CAMK4: variants seen among roughly 807,000 people sequenced by gnomAD.
CAMK4 encodes calcium/calmodulin-dependent protein kinase type IV.
Under a neutral mutation model 44.9 loss-of-function variants are expected in CAMK4, and 22 were observed. The ratio of observed to expected loss-of-function variants is 0.49; its 90% confidence interval spans 0.35 to 0.70. The LOEUF (loss-of-function observed/expected upper bound fraction) is 0.70, where lower values mean the gene tolerates loss of function less well. Ranked by LOEUF, CAMK4 falls within the 30% of genes least tolerant of loss-of-function variation. The pLI is 0.01. For missense variants in CAMK4, 498 were observed against 586.8 expected (o/e 0.85, Z 1.56); for synonymous variants, 218 against 215.4 (o/e 1.01, Z -0.11).
At position 111,478,364 on chromosome 5, in the gene CAMK4, A is replaced by G. The variant is rs777145971; in HGVS notation, c.702-17A>G. ...AGCTTTTAAAGACATTTTATTCTCTATATTTTATTCCTCTAGACTTTGTGG... is the reference window on the plus strand; with the variant it reads ...AGCTTTTAAAGACATTTTATTCTCTGTATTTTATTCCTCTAGACTTTGTGG... On this transcript the variant is annotated splice_polypyrimidine_tract_variant and intron_variant, in intron 8 of 10. Coordinates refer to ENST00000282356, the MANE Select transcript of CAMK4 (RefSeq NM_001744.6). The G allele has an allele frequency of 3.7e-5, 55 of 1,479,684 alleles. No individual in the cohort carries two copies. The Admixed American group carries it at 1.0e-3, about 27-fold the overall frequency. The allele number at this position is 1,479,684 out of a possible 1,614,324, so 91.7% of individuals were successfully genotyped here. A position where few individuals can be genotyped will look rare whatever the true frequency, so the allele number is the denominator to read the frequency against.
intron 2 of CAMK4, among the ~76,000 whole-genome samples, chr5:111,358,691 A>ATT (rs1033327116): frequency 1.3e-5 from 2 of 151,820 alleles, no homozygotes; most frequent in African/African-American, 4.8e-5. Flanking sequence ...AGTACTCAAT[A>ATT]GTTATTTTTT....
At chr5:111,330,235 A>G (rs184269073) in intron 1 of CAMK4, among the ~76,000 whole-genome samples, 5 of 151,738 alleles carry the variant, frequency 3.3e-5, no homozygotes, top group Admixed American at 2.6e-4. Flanking sequence ...AAATTCTACA[A>G]TATTATTATA....
intron 1 of CAMK4, among the ~76,000 whole-genome samples, chr5:111,336,623 A>G (rs1749417423): frequency 6.6e-6 from 1 of 151,190 alleles, no homozygotes; most frequent in East Asian, 1.9e-4. Flanking sequence ...TTGTTTCTTA[A>G]AAAGCTTTGC....
intron 4 of CAMK4, among the ~76,000 whole-genome samples, chr5:111,383,501 A>G (rs1280785120): frequency 6.6e-6 from 1 of 152,208 alleles, no homozygotes; most frequent in Non-Finnish European, 1.5e-5. Flanking sequence ...TGGCACAGCA[A>G]ACGTTATGGG....
chr5:111,243,060 C>A (rs771204614), intron 1 of CAMK4, among the ~76,000 whole-genome samples: 2 of 152,188 alleles, frequency 1.3e-5, no homozygotes, highest in Non-Finnish European at 2.9e-5. Context: ...TCCACAGTTC[C>A]GGGCAGATGT....
Position 111,490,948 on chromosome 5 carries a change from G to C in CAMK4, c.*6482G>C, listed in dbSNP as rs1755801148. On this transcript the variant is annotated 3_prime_UTR_variant, in exon 11 of 11. Coordinates refer to ENST00000282356, the MANE Select transcript of CAMK4 (RefSeq NM_001744.6). ...TTAGTGAGTGGGTACAGCTGAGTTGGGGTTTAGGTGATTTCTTATGCCCAA... is the reference window on the plus strand; with the variant it reads ...TTAGTGAGTGGGTACAGCTGAGTTGCGGTTTAGGTGATTTCTTATGCCCAA... The C allele has an allele frequency of 6.6e-6, 1 of 152,116 alleles. No homozygotes were observed. Among genetic ancestry groups the C allele is most frequent in the African/African-American group, 2.4e-5 (1 of 41,418 alleles). The allele number at this position is 152,116 out of a possible 1,614,324, so 9.4% of individuals were successfully genotyped here. A position where few individuals can be genotyped will look rare whatever the true frequency, so the allele number is the denominator to read the frequency against.
chr5:111,441,197 A>G (rs1737168632), intron 5 of CAMK4, among the ~76,000 whole-genome samples: 1 of 152,226 alleles, frequency 6.6e-6, no homozygotes, highest in South Asian at 2.1e-4. Context: ...ATCAAGACTG[A>G]GGGCAAGATA....
chr5:111,365,645 C>A (rs908061053), intron 2 of CAMK4, among the ~76,000 whole-genome samples: 15 of 151,942 alleles, frequency 9.9e-5, no homozygotes, highest in Admixed American at 7.9e-4. Context: ...ATGATTTGGG[C>A]ATAGCAATGA....
intron 7 of CAMK4, among the ~76,000 whole-genome samples, chr5:111,470,205 C>G (rs1227011671): frequency 6.6e-6 from 1 of 152,226 alleles, no homozygotes; most frequent in Non-Finnish European, 1.5e-5. Context: ...AAGACACTTT[C>G]TGTGGGGTAC....
intron 5 of CAMK4, among the ~76,000 whole-genome samples, chr5:111,407,804 A>G (rs938431414): frequency 6.6e-6 from 1 of 152,118 alleles, no homozygotes; most frequent in Non-Finnish European, 1.5e-5. Context: ...GCCTCTACCT[A>G]CTGCAGGCCA....
At chr5:111,254,216 GCTC>G (rs1315083439) in intron 1 of CAMK4, among the ~76,000 whole-genome samples, 1 of 152,182 alleles carries the variant, frequency 6.6e-6, no homozygotes, top group Non-Finnish European at 1.5e-5. Flanking sequence ...AACCAGCTCT[GCTC>G]CTGCTTCATT....
At chr5:111,416,535 C>T (rs1208110814) in intron 5 of CAMK4, 1 of 152,100 alleles carries the variant, frequency 6.6e-6, no homozygotes, top group Non-Finnish European at 1.5e-5. Flanking sequence ...ATACATAGAA[C>T]CTCAAGATGT....
At chr5:111,432,662 G>GTGTATATATA (rs1245494210) in intron 5 of CAMK4, among the ~76,000 whole-genome samples, 4 of 142,956 alleles carry the variant, frequency 2.8e-5, no homozygotes, top group African/African-American at 1.0e-4. Context: ...ATATGTGTGT[G>GTGTATATATA]TATATATATA....
intron 5 of CAMK4, among the ~76,000 whole-genome samples, chr5:111,398,744 A>C (rs911941958): frequency 6.6e-6 from 1 of 152,186 alleles, no homozygotes; most frequent in African/African-American, 2.4e-5. Context: ...GATACCAGCA[A>C]AAAACTCTTA....
intron 7 of CAMK4, among the ~76,000 whole-genome samples, chr5:111,457,523 A>C (rs1340522603): frequency 6.6e-6 from 1 of 152,238 alleles, no homozygotes; most frequent in Non-Finnish European, 1.5e-5. Flanking sequence ...CCACATTGCT[A>C]CTTTGAAAAG....
At chr5:111,282,905 T>C (rs1034080718) in intron 1 of CAMK4, 5 of 152,222 alleles carry the variant, frequency 3.3e-5, no homozygotes, top group African/African-American at 7.2e-5. Flanking sequence ...TAGCCCACAA[T>C]TGGGCAAAAT....
intron 8 of CAMK4, 73 bp downstream of exon 8, chr5:111,473,459 C>T: frequency 1.1e-6 from 1 of 900,696 alleles, no homozygotes; most frequent in Non-Finnish European, 1.8e-6. Flanking sequence ...CTCTAATGCT[C>T]ATAAAAACCA....
chr5:111,431,473 C>G (rs534657333), intron 5 of CAMK4, among the ~76,000 whole-genome samples: 101 of 152,186 alleles, frequency 6.6e-4, no homozygotes, highest in African/African-American at 2.2e-3. Flanking sequence ...GAACAATACC[C>G]CACAAGCACA....
At chr5:111,405,358 C>T (rs1752382975) in intron 5 of CAMK4, among the ~76,000 whole-genome samples, 1 of 152,166 alleles carries the variant, frequency 6.6e-6, no homozygotes, top group Non-Finnish European at 1.5e-5. Context: ...GTCCCAGCTA[C>T]TCAGGAGGCT....
Sources: allele counts gnomAD v4.1 joint callset (sites outside exome capture counted in the v4.1 genomes callset), GRCh38; gene constraint gnomAD v4.1.1; transcripts MANE v1.5; gene names NCBI Gene and HGNC (gene_info 2026-07-23, HGNC 2026-07-21).